The following FLG variants were observed in gnomAD, a reference collection of about 807,000 sequenced individuals.
FLG encodes filaggrin, also known as epidermal filaggrin.
FLG carries 6 observed loss-of-function variants against 3.8 expected under a neutral mutation model. The ratio of observed to expected loss-of-function variants is 1.60; its 90% confidence interval spans 0.87 to 3.15. The LOEUF (loss-of-function observed/expected upper bound fraction) is 3.15, where lower values mean the gene tolerates loss of function less well. Among genes scored for constraint, FLG ranks in the 30% most tolerant of loss-of-function variants. The pLI is 0.00. For synonymous variants in FLG, 2,551 were observed against 1,931.6 expected, an observed-to-expected ratio of 1.32 and a Z score of -8.41; for missense variants, 7,595 against 5,050.9, an observed-to-expected ratio of 1.50 and a Z score of -15.27.
At position 152,307,224 on chromosome 1, in the gene FLG, T is replaced by C. The variant is rs1312278747; in HGVS notation, c.7662A>G (p.Ser2554=). The part of the protein sequence containing the change: ...SGHSQVGQGQ[S]EGPRTSRNWG... ...AGTTCCTGCTTGTCCTGGGCCCCTC[T>C]GATTGTCCCTGGCCCACCTGCGAGT... Residue 2554 remains serine (S), a synonymous_variant, in exon 3 of 3, where the codon TCA becomes TCG. Coordinates refer to ENST00000368799, the MANE Select transcript of FLG (RefSeq NM_002016.2). The C allele has an allele frequency of 6.2e-7, 1 of 1,612,828 alleles. No homozygotes were observed. Among genetic ancestry groups the C allele is most frequent in the Non-Finnish European group, 8.5e-7 (1 of 1,179,996 alleles).
Position 152,304,799 on chromosome 1 carries a change from G to T in FLG, c.10087C>A (p.Pro3363Thr), listed in dbSNP as rs761608102. 395 of 1,613,094 alleles carry T rather than the reference G, an allele frequency of 2.4e-4. 1 individual carries two copies. The highest frequency in any genetic ancestry group is 3.3e-4 in the Non-Finnish European group (389 of 1,179,654). Residue 3363 changes from proline (P) to threonine (T), a missense_variant, in exon 3 of 3, where the codon CCC (proline) becomes ACC (threonine). Pro to Thr is a conservative substitution (Grantham distance 38). Coordinates refer to ENST00000368799, the MANE Select transcript of FLG (RefSeq NM_002016.2). ...GACTCTTGGTGGCTCTGCTGATGGG[G>T]CCCAGCCTGTCCATGGCCTGACACT... ...QSVSGHGQAG[P>T]HQQSHQESAR...
chr1:152,315,318 C>G lies in FLG; in HGVS notation c.138+1G>C, dbSNP rs756254959. ...TCTTTGGTCTTGTCAGAGACTCTTA[C>G]CTTCAGGATTTGCCGAAATTCCTTT... is the stretch of plus-strand genomic sequence containing the variant. On this transcript the variant is annotated splice_donor_variant, in intron 2 of 2. Transcript: ENST00000368799. LOFTEE classifies it high-confidence loss of function. The G allele has an allele frequency of 3.0e-5, 48 of 1,612,970 alleles. No individual in the cohort carries two copies. Among genetic ancestry groups the G allele is most frequent in the Non-Finnish European group, 3.9e-5 (46 of 1,179,370 alleles).
rs1228150785 is a variant in FLG at position 152,305,218 on chromosome 1, C to A, written c.9668G>T (p.Gly3223Val). 1.9e-6 allele frequency: 3 copies of A among 1,613,406 alleles called. No homozygotes were observed. The highest frequency in any genetic ancestry group is 2.2e-5 in the South Asian group (2 of 90,968). Residue 3223 changes from glycine (G) to valine (V), a missense_variant, in exon 3 of 3, where the codon GGA becomes GTA. Physicochemically the swap from Gly to Val is moderately radical, Grantham distance 109. Transcript: ENST00000368799. ...SSVSQDSDSEGHSEDSERWSG... is the reference protein window; with the variant it reads ...SSVSQDSDSEVHSEDSERWSG... Reference sequence around the variant, plus strand: ...CCACCTCTCAGAGTCTTCTGAATGTCCCTCACTGTCACTGTCCTGGCTCAC... The same window carrying A: ...CCACCTCTCAGAGTCTTCTGAATGTACCTCACTGTCACTGTCCTGGCTCAC...
Position 152,314,623 on chromosome 1 carries a change from G to A in FLG, c.263C>T (p.Ser88Phe). 2 of 1,613,884 alleles carry A rather than the reference G, an allele frequency of 1.2e-6. No homozygotes were observed. Among genetic ancestry groups the A allele is most frequent in the Non-Finnish European group, 1.7e-6 (2 of 1,179,932 alleles). Reference sequence around the variant, plus strand: ...TATCGGTAAATTCTCTTTTCTGGTAGACTCATAATATGCTTGAGCCAACTT... The same window carrying A: ...TATCGGTAAATTCTCTTTTCTGGTAAACTCATAATATGCTTGAGCCAACTT... ...VFKLAQAYYE[S>F]TRKENLPISG... is the part of the protein sequence containing the mutation. The change falls in exon 3 of 3, where the codon TCT (serine) becomes TTT (phenylalanine). Residue 88 changes from serine (S) to phenylalanine (F), a missense_variant. Coordinates refer to ENST00000368799, the MANE Select transcript of FLG (RefSeq NM_002016.2).
chr1:152,312,998 G>T lies in FLG; in HGVS notation c.1888C>A (p.His630Asn). ...SVSQDSDSQG[H>N]SEDSERWSGS... ...GACCACCTCTCAGAGTCTTCTGAGT[G>T]TCCCTGACTGTCACTGTCCTGGCTA... is the stretch of plus-strand genomic sequence containing the variant. The change falls in exon 3 of 3, where the codon CAC becomes AAC. Residue 630 changes from histidine to asparagine, a missense_variant. His to Asn is a moderately conservative substitution (Grantham distance 68). Coordinates refer to ENST00000368799, the MANE Select transcript of FLG (RefSeq NM_002016.2). The T allele has an allele frequency of 6.2e-7, 1 of 1,613,982 alleles. No individual in the cohort carries two copies. The highest frequency in any genetic ancestry group is 1.1e-5 in the South Asian group (1 of 91,076).
rs66954353 is a variant in FLG at position 152,308,312 on chromosome 1, T to C, written c.6574A>G (p.Lys2192Glu). ...CCTGATTGTTCCTTGTCATATGTTT[T>C]TCTGCTTGCACTTCTGGATCCTGAC... is the stretch of plus-strand genomic sequence containing the variant. ...GQSGSRSASR[K>E]TYDKEQSGDG... Residue 2192 changes from lysine (K) to glutamate (E), a missense_variant, in exon 3 of 3, where the codon AAA becomes GAA. Physicochemically the swap from Lys to Glu is moderately conservative, Grantham distance 56. Coordinates refer to ENST00000368799, the MANE Select transcript of FLG (RefSeq NM_002016.2). 101 of 1,611,444 alleles carry C rather than the reference T, an allele frequency of 6.3e-5. No homozygotes were observed. Among genetic ancestry groups the C allele is most frequent in the Middle Eastern group, 3.3e-4 (2 of 6,084 alleles).
At position 152,310,151 on chromosome 1, in the gene FLG, C is replaced by G; in HGVS notation, c.4735G>C (p.Gly1579Arg). Residue 1579 changes from glycine (G) to arginine (R), a missense_variant, in exon 3 of 3, where the codon GGA becomes CGA. By Grantham distance (125) the Gly-to-Arg change is moderately radical. Coordinates refer to ENST00000368799, the MANE Select transcript of FLG (RefSeq NM_002016.2). ...GSSRHSQVGQ[G>R]ESAGSKTSRR... is the part of the protein sequence containing the mutation. ...CTTGTCTTGGACCCCGCTGATTCTC[C>G]CTGGCCCACCTGTGAGTGTCTAGAG... 2 of 1,613,916 alleles carry G rather than the reference C, an allele frequency of 1.2e-6. No individual in the cohort carries two copies. Among genetic ancestry groups the G allele is most frequent in the East Asian group, 4.5e-5 (2 of 44,822 alleles).
Position 152,311,112 on chromosome 1 carries a change from C to G in FLG, c.3774G>C (p.Ser1258=). ...RHSQVGQEQS[S]GSRTSRHQGS... The stretch of plus-strand genomic sequence containing the variant: ...CCTGGTGCCTGCTTGTCCTGGACCC[C>G]GATGATTGTTCCTGTCCCACCTGTG... The change falls in exon 3 of 3, where the codon TCG becomes TCC. Residue 1258 remains serine, a synonymous_variant. Coordinates refer to ENST00000368799, the MANE Select transcript of FLG (RefSeq NM_002016.2). The G allele has an allele frequency of 6.2e-7, 1 of 1,613,598 alleles. No homozygotes were observed. The highest frequency in any genetic ancestry group is 8.5e-7 in the Non-Finnish European group (1 of 1,179,932).
Position 152,312,139 on chromosome 1 carries a change from G to C in FLG, c.2747C>G (p.Ala916Gly), listed in dbSNP as rs1408102288. 1.4e-5 allele frequency: 23 copies of C among 1,613,922 alleles called. No individual in the cohort carries two copies. Among genetic ancestry groups the C allele is most frequent in the Non-Finnish European group, 1.9e-5 (22 of 1,180,026 alleles). ...TCTAGAGATGTCGGCATGAGAGGAA[G>C]CTTCATGGTGACGTGACCCTGAGTG... ...SRHSGSRHHE[A>G]SSHADISRHS... The change falls in exon 3 of 3, where the codon GCT becomes GGT. Residue 916 changes from alanine to glycine, a missense_variant. Coordinates refer to ENST00000368799, the MANE Select transcript of FLG (RefSeq NM_002016.2).
chr1:152,318,546 G>A (rs1652860277), intron 1 of FLG, among the ~76,000 whole-genome samples: 2 of 151,514 alleles, frequency 1.3e-5, no homozygotes, highest in Non-Finnish European at 3.0e-5. Context: ...AAATATCTGT[G>A]GCTGTGTCTT....
rs764773957 is a variant in FLG at position 152,307,566 on chromosome 1, T to C, written c.7320A>G (p.Gly2440=). ...TGTCTCGTGCCTGCTTGTGGTGGGA[T>C]CCTTGTCTTCCTCCAGTGCTGGTCC... The part of the protein sequence containing the change: ...RTGTSTGGRQ[G]SHHKQARDSS... The change falls in exon 3 of 3, where the codon GGA becomes GGG. Residue 2440 remains glycine (G), a synonymous_variant. Transcript: ENST00000368799. The C allele has an allele frequency of 6.2e-7, 1 of 1,613,818 alleles. No homozygotes were observed. Among genetic ancestry groups the C allele is most frequent in the South Asian group, 1.1e-5 (1 of 91,062 alleles).
chr1:152,315,043 TGTTGATGTTTGGGA>T (rs2101654029), intron 2 of FLG: 1 of 408,712 alleles, frequency 2.4e-6, no homozygotes, highest in Admixed American at 4.1e-5. Flanking sequence ...CCCTTAGTAA[TGTTGATGTTTGGGA>T]GAATATTATA....
Position 152,307,449 on chromosome 1 carries a change from C to T in FLG, c.7437G>A (p.Glu2479=). The change falls in exon 3 of 3, where the codon GAG becomes GAA. Residue 2479 remains glutamate (E), a synonymous_variant. Coordinates refer to ENST00000368799, the MANE Select transcript of FLG (RefSeq NM_002016.2). The stretch of plus-strand genomic sequence containing the variant: ...AGTGTCCAGATCTATCTACCAATTG[C>T]TCGTAGTGGGATCCCTGCCTTCCTC... The part of the protein sequence containing the change: ...SSGGRQGSHY[E]QLVDRSGHSG... 4 of 1,613,280 alleles carry T rather than the reference C, an allele frequency of 2.5e-6. No homozygotes were observed. The highest frequency in any genetic ancestry group is 3.3e-5 in the Admixed American group (2 of 59,920).
Position 152,302,997 on chromosome 1 carries a change from A to G in FLG, c.11889T>C (p.Thr3963=), listed in dbSNP as rs376130842. 1.9e-6 allele frequency: 3 copies of G among 1,614,144 alleles called. No individual in the cohort carries two copies. Among genetic ancestry groups the G allele is most frequent in the African/African-American group, 2.7e-5 (2 of 75,040 alleles). Residue 3963 remains threonine, a synonymous_variant, in exon 3 of 3, where the codon ACT becomes ACC. Coordinates refer to ENST00000368799, the MANE Select transcript of FLG (RefSeq NM_002016.2). ...AACCTGATTGACCTTTTTGCCTTTC[A>G]GTGCCCTCAGATTGATAATGATAAG... The part of the protein sequence containing the change: ...SSSYHYQSEG[T]ERQKGQSGLV...
chr1:152,309,661 G>A lies in FLG; in HGVS notation c.5225C>T (p.Pro1742Leu). The A allele has an allele frequency of 1.2e-6, 2 of 1,613,650 alleles. No homozygotes were observed. Among genetic ancestry groups the A allele is most frequent in the South Asian group, 2.2e-5 (2 of 91,040 alleles). ...GGACTCTTGGTGGCTCTGCTGATGG[G>A]GCCCAGCCTGTCCGTGGGCTGACAC... The part of the protein sequence containing the change: ...QSVSAHGQAG[P>L]HQQSHQESTR... The change falls in exon 3 of 3, where the codon CCC (proline) becomes CTC (leucine). Residue 1742 changes from proline to leucine, a missense_variant. Physicochemically the swap from Pro to Leu is moderately conservative, Grantham distance 98. Transcript: ENST00000368799.
chr1:152,311,074 C>G lies in FLG; in HGVS notation c.3812G>C (p.Ser1271Thr). 6.2e-7 allele frequency: 1 copy of G among 1,613,986 alleles called. No individual in the cohort carries two copies. Among genetic ancestry groups the G allele is most frequent in the Non-Finnish European group, 8.5e-7 (1 of 1,179,990 alleles). ...GTGTCTCTCACTGTCACTGTCCTGGCTAACACTGGATCCCTGGTGCCTGCT... is the reference window on the plus strand; with the variant it reads ...GTGTCTCTCACTGTCACTGTCCTGGGTAACACTGGATCCCTGGTGCCTGCT... ...RTSRHQGSSVSQDSDSERHSD... is the reference protein window; with the variant it reads ...RTSRHQGSSVTQDSDSERHSD... Residue 1271 changes from serine to threonine, a missense_variant, in exon 3 of 3, where the codon AGC becomes ACC. Coordinates refer to ENST00000368799, the MANE Select transcript of FLG (RefSeq NM_002016.2).
Position 152,311,614 on chromosome 1 carries a change from T to G in FLG, c.3272A>C (p.Gln1091Pro). ...SDTQSVSGHG[Q>P]DGPHQQSHQE... ...GTGGCTCTGCTGATGGGGCCCATCC[T>G]GTCCATGGCCTGACACTGACTGTGT... The change falls in exon 3 of 3, where the codon CAG (glutamine) becomes CCG (proline). Residue 1091 changes from glutamine (Q) to proline (P), a missense_variant. Coordinates refer to ENST00000368799, the MANE Select transcript of FLG (RefSeq NM_002016.2). 6.2e-7 allele frequency: 1 copy of G among 1,614,140 alleles called. No homozygotes were observed. The highest frequency in any genetic ancestry group is 8.5e-7 in the Non-Finnish European group (1 of 1,180,016).
Position 152,311,348 on chromosome 1 carries a change from G to A in FLG, c.3538C>T (p.His1180Tyr), listed in dbSNP as rs1446613420. ...GSRRGGRQGSHHEQSVDRSGH... is the reference protein window; with the variant it reads ...GSRRGGRQGSYHEQSVDRSGH... ...GATCTATCTACCGATTGCTCATGGTGGGATCCCTGCCTTCCTCCTCTCCTT... is the reference window on the plus strand; with the variant it reads ...GATCTATCTACCGATTGCTCATGGTAGGATCCCTGCCTTCCTCCTCTCCTT... The change falls in exon 3 of 3, where the codon CAC becomes TAC. Residue 1180 changes from histidine (H) to tyrosine (Y), a missense_variant. His to Tyr is a moderately conservative substitution (Grantham distance 83). Coordinates refer to ENST00000368799, the MANE Select transcript of FLG (RefSeq NM_002016.2). The A allele has an allele frequency of 6.2e-7, 1 of 1,613,772 alleles. No individual in the cohort carries two copies. The highest frequency in any genetic ancestry group is 8.5e-7 in the Non-Finnish European group (1 of 1,179,956).
At position 152,305,079 on chromosome 1, in the gene FLG, G is replaced by A; in HGVS notation, c.9807C>T (p.Asp3269=). ...GACGAGTGCCTGATTGTCTGGAGCG[G>A]TCTGCAGAGTGCCCGTGACCGGCTC... ...EDRAGHGHSA[D]RSRQSGTRHA... Residue 3269 remains aspartate (D), a synonymous_variant, in exon 3 of 3, where the codon GAC becomes GAT. Transcript: ENST00000368799. 6.2e-7 allele frequency: 1 copy of A among 1,613,676 alleles called. No homozygotes were observed. The highest frequency in any genetic ancestry group is 8.5e-7 in the Non-Finnish European group (1 of 1,179,720).
Sources: allele counts gnomAD v4.1 joint callset (sites outside exome capture counted in the v4.1 genomes callset), GRCh38; gene constraint gnomAD v4.1.1; transcripts MANE v1.5; gene names NCBI Gene and HGNC (gene_info 2026-07-23, HGNC 2026-07-21).